SCD5: variants seen among roughly 807,000 people sequenced by gnomAD.
SCD5 encodes stearoyl-CoA desaturase 5.
SCD5 carries 20 observed loss-of-function variants against 30.4 expected under a neutral mutation model. The ratio of observed to expected loss-of-function variants is 0.66; its 90% CI spans 0.46 to 0.96. The LOEUF is 0.96. Among genes scored for constraint, SCD5 ranks in the 40% least tolerant of loss-of-function variants. The pLI, the probability that SCD5 is intolerant of heterozygous loss-of-function variation, is 0.00. For missense variants in SCD5, 381 were observed against 443.3 expected, an observed-to-expected ratio of 0.86 and a Z score of 1.26; for synonymous variants, 173 against 176.4, an observed-to-expected ratio of 0.98 and a Z score of 0.16.
At chr4:82,702,138 T>C (rs1328548896) in intron 2 of SCD5, among the ~76,000 whole-genome samples, 1 of 115,162 alleles carries the variant, frequency 8.7e-6, no homozygotes, top group African/African-American at 3.9e-5. Flanking sequence ...ATCTTTTTTT[T>C]TTTTTTTTTT....
intron 4 of SCD5, among the ~76,000 whole-genome samples, chr4:82,634,806 A>G (rs901551149): frequency 3.3e-5 from 5 of 152,204 alleles, no homozygotes; most frequent in Admixed American, 1.3e-4. Context: ...AACACTGGCC[A>G]CGGCTTCCCT....
chr4:82,674,791 C>T (rs1359360759), intron 3 of SCD5, among the ~76,000 whole-genome samples: 1 of 151,754 alleles, frequency 6.6e-6, no homozygotes, highest in East Asian at 1.9e-4. Context: ...TTATTCAGCA[C>T]GAAAAAGAAA....
chr4:82,783,253 G>C (rs1261787331), intron 1 of SCD5, among the ~76,000 whole-genome samples: 2 of 152,164 alleles, frequency 1.3e-5, no homozygotes, highest in East Asian at 3.8e-4. Flanking sequence ...CCAAGGACTA[G>C]GGAGAGTTAG....
intron 1 of SCD5, among the ~76,000 whole-genome samples, chr4:82,724,621 A>G (rs143603800): frequency 6.6e-6 from 1 of 152,316 alleles, no homozygotes; most frequent in African/African-American, 2.4e-5. Context: ...AAAGATATAC[A>G]TGGTGGCCGT....
chr4:82,756,282 T>C (rs1396765820), intron 1 of SCD5, among the ~76,000 whole-genome samples: 2 of 152,194 alleles, frequency 1.3e-5, no homozygotes, highest in African/African-American at 2.4e-5. Context: ...CCTGCCCTCC[T>C]GGACCAGTCA....
chr4:82,643,463 A>T (rs1011640732), intron 3 of SCD5, among the ~76,000 whole-genome samples: 10 of 152,228 alleles, frequency 6.6e-5, no homozygotes, highest in Admixed American at 6.5e-4. Context: ...AGTAAAATAA[A>T]CCAGACAAAA....
chr4:82,679,059 C>T (rs1342441233), intron 3 of SCD5, among the ~76,000 whole-genome samples: 4 of 151,044 alleles, frequency 2.6e-5, no homozygotes, highest in African/African-American at 7.3e-5. Context: ...ATTAGCCGGG[C>T]GTGGTGGTGC....
At chr4:82,752,316 A>G (rs1274363318) in intron 1 of SCD5, among the ~76,000 whole-genome samples, 1 of 150,998 alleles carries the variant, frequency 6.6e-6, no homozygotes, top group African/African-American at 2.4e-5. Context: ...AGATCTTGAC[A>G]CTCCAAAATG....
intron 2 of SCD5, 118 bp downstream of exon 2, chr4:82,705,165 T>C (rs1719941519): frequency 7.8e-7 from 1 of 1,275,420 alleles, no homozygotes; most frequent in Non-Finnish European, 1.1e-6. Flanking sequence ...TGGGCGTGCT[T>C]GGGGCCTGAA....
chr4:82,745,150 C>T (rs1200931845), intron 1 of SCD5, among the ~76,000 whole-genome samples: 1 of 152,126 alleles, frequency 6.6e-6, no homozygotes. Flanking sequence ...ACAGGGTGGA[C>T]CTTGACAAAA....
chr4:82,729,765 C>A (rs1720587250), intron 1 of SCD5, among the ~76,000 whole-genome samples: 1 of 152,174 alleles, frequency 6.6e-6, no homozygotes, highest in Non-Finnish European at 1.5e-5. Context: ...GAACATAAAT[C>A]TGTAAATGTG....
intron 3 of SCD5, among the ~76,000 whole-genome samples, chr4:82,669,688 G>A (rs569168464): frequency 1.3e-5 from 2 of 152,208 alleles, no homozygotes; most frequent in South Asian, 4.2e-4. Context: ...CAGGTTCTCA[G>A]AGTAAGTATC....
At position 82,636,642 on chromosome 4, in the gene SCD5, C is replaced by T; in HGVS notation, c.751G>A (p.Asp251Asn). ...TTCTGCCGAGGGCTGATGTGCTTGT[C>T]ATAGGGCCGGTTTCCATACATGTGG... ...AAHMYGNRPY[D>N]KHISPRQNPL... The change falls in exon 4 of 5, where the codon GAC (aspartate) becomes AAC (asparagine). Residue 251 changes from aspartate (D) to asparagine (N), a missense_variant. Transcript: ENST00000319540. 6.2e-7 allele frequency: 1 copy of T among 1,614,202 alleles called. No individual in the cohort carries two copies. Among genetic ancestry groups the T allele is most frequent in the Non-Finnish European group, 8.5e-7 (1 of 1,180,044 alleles).
chr4:82,779,414 T>C (rs1045002342), intron 1 of SCD5, among the ~76,000 whole-genome samples: 1 of 152,224 alleles, frequency 6.6e-6, no homozygotes, highest in Non-Finnish European at 1.5e-5. Flanking sequence ...CTCCTGAATG[T>C]CGACACTTTG....
chr4:82,638,839 C>T (rs1057004130), intron 3 of SCD5, among the ~76,000 whole-genome samples: 1 of 152,216 alleles, frequency 6.6e-6, no homozygotes, highest in East Asian at 1.9e-4. Context: ...ATGTGCTTAC[C>T]ATATGCCAGG....
chr4:82,635,418 A>G (rs6832609), intron 4 of SCD5, among the ~76,000 whole-genome samples: 39,208 of 151,082 alleles, frequency 0.26, 6,138 homozygotes, highest in African/African-American at 0.43. Context: ...AGGAGATCGA[A>G]ACCATCCTGG....
At chr4:82,636,161 T>C (rs1727424095) in intron 4 of SCD5, among the ~76,000 whole-genome samples, 1 of 152,078 alleles carries the variant, frequency 6.6e-6, no homozygotes, top group South Asian at 2.1e-4. Context: ...ATCACATGAC[T>C]TGTCCAAGAG....
intron 2 of SCD5, among the ~76,000 whole-genome samples, chr4:82,704,032 C>T (rs1719915657): frequency 6.6e-6 from 1 of 152,218 alleles, no homozygotes; most frequent in African/African-American, 2.4e-5. Context: ...AGTACTAATA[C>T]CTGATGTGCT....
At chr4:82,735,091 A>G (rs1206145372) in intron 1 of SCD5, among the ~76,000 whole-genome samples, 4 of 152,180 alleles carry the variant, frequency 2.6e-5, no homozygotes, top group Non-Finnish European at 5.9e-5. Flanking sequence ...TTTTTCATTT[A>G]GCATTATAGC....
Sources: gnomAD v4.1 joint callset for allele counts (sites outside exome capture counted in the v4.1 genomes callset) on GRCh38, gnomAD v4.1.1 for gene constraint, MANE v1.5 for transcripts, NCBI Gene and HGNC (gene_info 2026-07-23, HGNC 2026-07-21) for gene names.